Variants in FBXO32 observed in about 807,000 individuals in gnomAD.
FBXO32 encodes F-box protein 32.
FBXO32 carries 15 observed loss-of-function variants against 48.3 expected under a neutral mutation model. The ratio of observed to expected loss-of-function variants is 0.31; its 90% CI spans 0.21 to 0.48. The LOEUF (loss-of-function observed/expected upper bound fraction) is 0.48, where lower values mean the gene tolerates loss of function less well. Ranked by LOEUF, FBXO32 falls within the 20% of genes least tolerant of loss-of-function variation. The probability of loss-of-function intolerance (pLI) is 0.99; values close to 1 mark genes in which losing one functional copy is unlikely to be tolerated. For missense variants in FBXO32, 309 were observed against 432.7 expected, an observed-to-expected ratio of 0.71 and a Z score of 2.54; for synonymous variants, 154 against 165.9, an observed-to-expected ratio of 0.93 and a Z score of 0.55.
Position 123,499,758 on chromosome 8 carries a change from C to T in FBXO32, c.*3615G>A, listed in dbSNP as rs1352317370. The stretch of plus-strand genomic sequence containing the variant: ...ATTGAAATTCCAAGCTCTTTCTCTT[C>T]TCCCATATAAAAACAACAGAAACAG... On this transcript the variant is annotated 3_prime_UTR_variant, in exon 9 of 9. Transcript: ENST00000517956. 1 of 152,228 alleles carries T rather than the reference C, an allele frequency of 6.6e-6. No homozygotes were observed. Among genetic ancestry groups the T allele is most frequent in the Non-Finnish European group, 1.5e-5 (1 of 68,048 alleles). 9.4% of individuals were successfully genotyped at this position (152,228 alleles called of 1,614,324 possible). A position where few individuals can be genotyped will look rare whatever the true frequency, so the allele number is the denominator to read the frequency against.
intron 4 of FBXO32, chr8:123,527,026 A>C (rs1048149008): frequency 6.6e-6 from 1 of 152,238 alleles, no homozygotes; most frequent in Admixed American, 6.5e-5. Context: ...TTATTTATGG[A>C]TACTGAAATT....
chr8:123,530,715 AGCGATTCTCCT>A (rs1160069191), intron 4 of FBXO32, among the ~76,000 whole-genome samples: 1 of 151,914 alleles, frequency 6.6e-6, no homozygotes, highest in Non-Finnish European at 1.5e-5. Context: ...CCTGGATTCA[AGCGATTCTCCT>A]GCCTCAGCCT....
chr8:123,513,156 G>A lies in FBXO32; in HGVS notation c.651+42C>T, dbSNP rs1816769354. The A allele has an allele frequency of 6.2e-7, 1 of 1,604,740 alleles. No individual in the cohort carries two copies. The highest frequency in any genetic ancestry group is 8.5e-7 in the Non-Finnish European group (1 of 1,172,074). On this transcript the variant is annotated intron_variant, in intron 6 of 8. Coordinates refer to ENST00000517956, the MANE Select transcript of FBXO32 (RefSeq NM_058229.4). The surrounding 1 kb of genome is among the most constrained non-coding windows in gnomAD (Gnocchi z 4.3). ...GGCGAGTCTGTCCAGTATCCCTGTG[G>A]AGGGACCCACTGCCGGGAGGAGGCT...
intron 4 of FBXO32, chr8:123,527,377 CAT>C (rs1817102250): frequency 6.6e-6 from 1 of 152,160 alleles, no homozygotes; most frequent in Non-Finnish European, 1.5e-5. Context: ...CTTTTAAAGT[CAT>C]ATTTTTTATT....
In FBXO32 at chr8:123,500,913, A is replaced by G. The variant is rs142807337; in HGVS notation, c.*2460T>C. ...CTGGTACCATCTTGGTAAACATTTA[A>G]TTAGACCGTAACCCTTCTCTTGGGG... On this transcript the variant is annotated 3_prime_UTR_variant, in exon 9 of 9. Coordinates refer to ENST00000517956, the MANE Select transcript of FBXO32 (RefSeq NM_058229.4). 3.3e-5 allele frequency: 5 copies of G among 152,364 alleles called. No homozygotes were observed. In the East Asian group the frequency reaches 9.6e-4, roughly 29 times the overall value. The allele number at this position is 152,364 out of a possible 1,614,324, so 9.4% of individuals were successfully genotyped here.
chr8:123,527,577 C>T (rs952391440), intron 4 of FBXO32, among the ~76,000 whole-genome samples: 2 of 152,142 alleles, frequency 1.3e-5, no homozygotes, highest in Non-Finnish European at 2.9e-5. Flanking sequence ...TCAAAAGTTC[C>T]ATTGCAAATA....
rs371388287 is a variant in FBXO32 at position 123,528,670 on chromosome 8, C to T, written c.372+3228G>A. Among the ~76,000 whole-genome samples, 25 of 152,204 alleles carry T rather than the reference C, an allele frequency of 1.6e-4. No homozygotes were observed. The South Asian group carries it at 3.7e-3, about 23-fold the overall frequency. ...AAAAAATTTTCTGACTCTAAACATTCGTGAAATTTTCATGCTGAGTGATAA... is the reference window on the plus strand; with the variant it reads ...AAAAAATTTTCTGACTCTAAACATTTGTGAAATTTTCATGCTGAGTGATAA... On this transcript the variant is annotated intron_variant, in intron 4 of 8. Transcript: ENST00000517956.
intron 1 of FBXO32, among the ~76,000 whole-genome samples, chr8:123,537,885 G>A (rs1241045158): frequency 6.6e-6 from 1 of 152,086 alleles, no homozygotes; most frequent in African/African-American, 2.4e-5. Context: ...GAAAAGAGTG[G>A]CAGAGGCTCA....
chr8:123,528,678 T>C (rs980965253), intron 4 of FBXO32, among the ~76,000 whole-genome samples: 5 of 152,200 alleles, frequency 3.3e-5, no homozygotes, highest in Non-Finnish European at 7.3e-5. Context: ...TTCGTGAAAT[T>C]TTCATGCTGA....
chr8:123,519,335 C>T (rs1586995305), intron 4 of FBXO32, among the ~76,000 whole-genome samples: 2 of 152,046 alleles, frequency 1.3e-5, no homozygotes, highest in African/African-American at 2.4e-5. Context: ...AGGCGGATCA[C>T]GAGGTGAGGA....
chr8:123,535,337 T>G (rs1817288883), intron 1 of FBXO32, among the ~76,000 whole-genome samples: 1 of 152,226 alleles, frequency 6.6e-6, no homozygotes, highest in South Asian at 2.1e-4. Context: ...AGTAGCATCC[T>G]TCTAACATGT....
rs1216389497 is a variant in FBXO32 at position 123,513,394 on chromosome 8, A to C, written c.467-12T>G. On this transcript the variant is annotated splice_polypyrimidine_tract_variant and intron_variant, in intron 5 of 8. Transcript: ENST00000517956. The surrounding 1 kb of genome is among the most constrained non-coding windows in gnomAD (Gnocchi z 4.3). ...CTGGTCTTCAAGGACTTGAGTAGGG[A>C]AGAAAAAAATAATTAAAGTTATGAT... The C allele has an allele frequency of 6.2e-7, 1 of 1,608,652 alleles. No homozygotes were observed. Among genetic ancestry groups the C allele is most frequent in the South Asian group, 1.1e-5 (1 of 90,698 alleles).
At chr8:123,507,441 GTGT>G (rs1816651123) in intron 6 of FBXO32, among the ~76,000 whole-genome samples, 7 of 98,090 alleles carry the variant, frequency 7.1e-5, no homozygotes, top group African/African-American at 2.0e-4. Context: ...GTGCTAGGGT[GTGT>G]GTGTGTGTGT....
At chr8:123,505,344 G>A (rs758540097) in intron 7 of FBXO32, among the ~76,000 whole-genome samples, 16 of 152,196 alleles carry the variant, frequency 1.1e-4, no homozygotes, top group Non-Finnish European at 1.6e-4. Flanking sequence ...ATGTCACTTA[G>A]CCATTTGTGG....
intron 4 of FBXO32, 58 bp downstream of exon 4, chr8:123,531,840 A>G: frequency 6.3e-7 from 1 of 1,596,230 alleles, no homozygotes; most frequent in Non-Finnish European, 8.5e-7. Flanking sequence ...AGACAACCCA[A>G]AGAGATGATT....
At chr8:123,536,933 G>T (rs1817319134) in intron 1 of FBXO32, among the ~76,000 whole-genome samples, 1 of 152,124 alleles carries the variant, frequency 6.6e-6, no homozygotes, top group Non-Finnish European at 1.5e-5. Flanking sequence ...AGTTTAGAAA[G>T]AATTTTACAT....
chr8:123,540,887 G>A lies in FBXO32; in HGVS notation c.116+12C>T. Reference sequence around the variant, plus strand: ...TTCGCGGGGGCTGGAAGTTGGTAGCGGGTCCCCTCACCTGCTGAGGTCGCT... The same window carrying A: ...TTCGCGGGGGCTGGAAGTTGGTAGCAGGTCCCCTCACCTGCTGAGGTCGCT... On this transcript the variant is annotated intron_variant, in intron 1 of 8. Transcript: ENST00000517956. This position sits in a 1 kb window ranked among gnomAD's most constrained non-coding sequence, Gnocchi z 6.4. 6.2e-7 allele frequency: 1 copy of A among 1,607,012 alleles called. No individual in the cohort carries two copies. Among genetic ancestry groups the A allele is most frequent in the Non-Finnish European group, 8.5e-7 (1 of 1,174,612 alleles).
intron 3 of FBXO32, among the ~76,000 whole-genome samples, chr8:123,532,848 T>G (rs774480494): frequency 1.1e-4 from 16 of 152,240 alleles, no homozygotes; most frequent in Non-Finnish European, 1.2e-4. Flanking sequence ...TTTAACTGAG[T>G]TGAAGTCCAA....
At chr8:123,518,515 A>G (rs1322178114) in intron 4 of FBXO32, among the ~76,000 whole-genome samples, 2 of 152,234 alleles carry the variant, frequency 1.3e-5, no homozygotes, top group Admixed American at 1.3e-4. Context: ...GATACATTTA[A>G]TAGCACCCTA....
Sources: allele counts gnomAD v4.1 joint callset (sites outside exome capture counted in the v4.1 genomes callset), GRCh38; gene constraint gnomAD v4.1.1; non-coding constraint Gnocchi (gnomAD v3.1); transcripts MANE v1.5; gene names NCBI Gene and HGNC (gene_info 2026-07-23, HGNC 2026-07-21).